The following CADM2 variants were observed in gnomAD, a reference collection of about 807,000 sequenced individuals.
The protein encoded by CADM2 is cell adhesion molecule 2, also known as immunoglobulin superfamily member 4D.
In CADM2, 12 loss-of-function variants were observed where a neutral mutation model predicts 49.8. The ratio of observed to expected loss-of-function variants is 0.24; its 90% CI spans 0.15 to 0.39. The LOEUF (loss-of-function observed/expected upper bound fraction) is 0.39, where lower values mean the gene tolerates loss of function less well. CADM2 is among the 10% of genes least tolerant of loss of function. The pLI is 1.00. For missense variants in CADM2, 378 were observed against 492.3 expected (o/e 0.77, Z 2.20); for synonymous variants, 214 against 175.4 (o/e 1.22, Z -1.74).
intron 1 of CADM2, among the ~76,000 whole-genome samples, chr3:85,669,008 A>G (rs550185143): frequency 1.3e-5 from 2 of 152,208 alleles, no homozygotes; most frequent in Admixed American, 1.3e-4. Context: ...AAGAGCTGAG[A>G]TAATTTCACC....
intron 1 of CADM2, among the ~76,000 whole-genome samples, chr3:85,439,718 G>A (rs1271816440): frequency 1.3e-5 from 2 of 151,866 alleles, no homozygotes; most frequent in African/African-American, 2.4e-5. Context: ...TCCATGGACT[G>A]TCCCTAAAAT....
chr3:85,014,871 G>A (rs1010344149), intron 1 of CADM2, among the ~76,000 whole-genome samples: 18 of 152,176 alleles, frequency 1.2e-4, no homozygotes, highest in Admixed American at 6.5e-5. Context: ...TACATAGGAT[G>A]TGAATGCCAT....
At chr3:85,853,280 AG>A (rs1405229012) in intron 3 of CADM2, among the ~76,000 whole-genome samples, 6 of 151,844 alleles carry the variant, frequency 4.0e-5, no homozygotes, top group African/African-American at 1.4e-4. Context: ...TTAGAAACCA[AG>A]GGGTGGGGGG....
intron 5 of CADM2, among the ~76,000 whole-genome samples, chr3:85,887,174 A>G (rs1713780318): frequency 7.0e-6 from 1 of 143,552 alleles, no homozygotes; most frequent in Admixed American, 7.3e-5. Context: ...TGTACCTCGC[A>G]CTCCTAGGCT....
chr3:85,909,646 A>G (rs1175970522), intron 5 of CADM2, among the ~76,000 whole-genome samples: 1 of 152,178 alleles, frequency 6.6e-6, no homozygotes, highest in African/African-American at 2.4e-5. Flanking sequence ...CTGCATTTTA[A>G]CAAGATCATA....
At chr3:85,891,847 G>A (rs890394552) in intron 5 of CADM2, among the ~76,000 whole-genome samples, 2 of 152,176 alleles carry the variant, frequency 1.3e-5, no homozygotes, top group African/African-American at 2.4e-5. Context: ...TATAGCCCCA[G>A]CTAACATCTT....
chr3:85,022,807 C>A (rs1364877758), intron 1 of CADM2, among the ~76,000 whole-genome samples: 4 of 152,030 alleles, frequency 2.6e-5, no homozygotes, highest in Admixed American at 2.6e-4. Flanking sequence ...AACATGATTA[C>A]ACAAAATAAT....
intron 1 of CADM2, among the ~76,000 whole-genome samples, chr3:85,191,237 A>G (rs561192159): frequency 6.6e-6 from 1 of 152,086 alleles, no homozygotes; most frequent in Non-Finnish European, 1.5e-5. Context: ...TTCATTCTTT[A>G]TCCATTTTCA....
intron 4 of CADM2, among the ~76,000 whole-genome samples, chr3:85,884,065 C>T (rs1713205668): frequency 6.6e-6 from 1 of 152,024 alleles, no homozygotes; most frequent in Non-Finnish European, 1.5e-5. Flanking sequence ...GGCCATTTTC[C>T]CAAAGGTGAA....
At chr3:86,063,122 A>G (rs1318758993) in intron 8 of CADM2, among the ~76,000 whole-genome samples, 3 of 152,092 alleles carry the variant, frequency 2.0e-5, no homozygotes, top group Non-Finnish European at 4.4e-5. Context: ...ACAAACCACT[A>G]CCACATCCCA....
At chr3:85,413,154 A>T (rs1210813584) in intron 1 of CADM2, among the ~76,000 whole-genome samples, 13 of 144,232 alleles carry the variant, frequency 9.0e-5, no homozygotes, top group Admixed American at 9.0e-4. Flanking sequence ...AAAAAAAAAA[A>T]AAAAAAAAAT....
chr3:85,424,027 A>G (rs538641666), intron 1 of CADM2, among the ~76,000 whole-genome samples: 2 of 152,284 alleles, frequency 1.3e-5, no homozygotes, highest in Admixed American at 1.3e-4. Context: ...ATTGCCATAA[A>G]TTGTGTTTGA....
chr3:85,644,099 A>G (rs1189588767), intron 1 of CADM2, among the ~76,000 whole-genome samples: 1 of 152,190 alleles, frequency 6.6e-6, no homozygotes, highest in African/African-American at 2.4e-5. Context: ...GCTGACACAC[A>G]CTTATTTTCT....
At chr3:85,116,761 G>A (rs1298054468) in intron 1 of CADM2, among the ~76,000 whole-genome samples, 1 of 152,048 alleles carries the variant, frequency 6.6e-6, no homozygotes, top group Non-Finnish European at 1.5e-5. Flanking sequence ...TTTAGAGAGG[G>A]AGAGGAAGAA....
intron 1 of CADM2, among the ~76,000 whole-genome samples, chr3:85,623,693 A>T (rs2064040539): frequency 6.6e-6 from 1 of 152,182 alleles, no homozygotes; most frequent in African/African-American, 2.4e-5. Context: ...GAGAAGTTTG[A>T]TATATAAACC....
intron 3 of CADM2, among the ~76,000 whole-genome samples, chr3:85,861,060 ATTGGGG>A (rs2075512956): frequency 6.6e-6 from 1 of 152,112 alleles, no homozygotes; most frequent in Non-Finnish European, 1.5e-5. Flanking sequence ...CTATAAGAAT[ATTGGGG>A]TTTTCAGTGA....
chr3:85,548,439 G>T (rs1022168033), intron 1 of CADM2, among the ~76,000 whole-genome samples: 3 of 151,882 alleles, frequency 2.0e-5, no homozygotes, highest in Non-Finnish European at 4.4e-5. Flanking sequence ...ACATGAAGGA[G>T]AAATTTGCAG....
chr3:85,053,002 G>T (rs1460799308), intron 1 of CADM2, among the ~76,000 whole-genome samples: 1 of 151,892 alleles, frequency 6.6e-6, no homozygotes, highest in African/African-American at 2.4e-5. Context: ...AATATGAAGA[G>T]ACCAGTACTG....
At chr3:85,959,007 C>A in intron 7 of CADM2, among the ~76,000 whole-genome samples, 1 of 151,132 alleles carries the variant, frequency 6.6e-6, no homozygotes, top group East Asian at 2.0e-4. Context: ...ACACATGTTT[C>A]GTGGAACTTA....
Sources: allele counts gnomAD v4.1 joint callset (sites outside exome capture counted in the v4.1 genomes callset), GRCh38; gene constraint gnomAD v4.1.1; transcripts MANE v1.5; gene names NCBI Gene and HGNC (gene_info 2026-07-23, HGNC 2026-07-21).